Variants in ITGAV observed in about 807,000 individuals in gnomAD.
The protein encoded by ITGAV is integrin subunit alpha V.
In ITGAV, 76 loss-of-function variants were observed where a neutral mutation model predicts 143.8. That is an observed-to-expected ratio of 0.53 (90% CI 0.44 to 0.64). The LOEUF is 0.64. Ranked by LOEUF, ITGAV falls within the 30% of genes least tolerant of loss-of-function variation. The probability of loss-of-function intolerance (pLI) is 0.00; values close to 1 mark genes in which losing one functional copy is unlikely to be tolerated. For missense variants in ITGAV, 1,193 were observed against 1,274.7 expected (o/e 0.94, Z 0.98); for synonymous variants, 453 against 446.7 (o/e 1.01, Z -0.18).
At chr2:186,628,243 C>T (rs1432518902) in intron 4 of ITGAV, among the ~76,000 whole-genome samples, 1 of 152,152 alleles carries the variant, frequency 6.6e-6, no homozygotes, top group Non-Finnish European at 1.5e-5. Context: ...TGTAAGACTA[C>T]ACTGCTAACT....
At chr2:186,633,102 C>T (rs989008458) in intron 5 of ITGAV, among the ~76,000 whole-genome samples, 4 of 150,310 alleles carry the variant, frequency 2.7e-5, no homozygotes, top group Non-Finnish European at 5.9e-5. Context: ...AGGAGTTTGA[C>T]CAGCTTACCA....
chr2:186,664,188 G>T (rs1361482158), intron 19 of ITGAV, among the ~76,000 whole-genome samples: 3 of 152,212 alleles, frequency 2.0e-5, no homozygotes, highest in East Asian at 3.9e-4. Context: ...ATTATGACAC[G>T]TGATTAATTT....
chr2:186,605,261 C>T (rs934080649), intron 2 of ITGAV, among the ~76,000 whole-genome samples: 3 of 152,186 alleles, frequency 2.0e-5, no homozygotes, highest in African/African-American at 7.2e-5. Flanking sequence ...GCTCACTCTG[C>T]TTCCTCCCTT....
rs150780090 is a variant in ITGAV, at chr2:186,677,739, T to C, written c.*447T>C. 3.0e-3 allele frequency: 464 copies of C among 156,860 alleles called. 4 individuals carry two copies. Among genetic ancestry groups the C allele is most frequent in the African/African-American group, 0.01 (431 of 41,584 alleles). The allele number at this position is 156,860 out of a possible 1,614,324, so 9.7% of individuals were successfully genotyped here. A position where few individuals can be genotyped will look rare whatever the true frequency, so the allele number is the denominator to read the frequency against. On this transcript the variant is annotated 3_prime_UTR_variant, in exon 30 of 30. Transcript: ENST00000261023. ...TATAGGTACTTAATGTTAATACATA[T>C]TACACTACAGTTTACTTTTCAGAAT...
rs2105757426 is a variant in ITGAV at position 186,677,365 on chromosome 2, C to A, written c.*73C>A. On this transcript the variant is annotated 3_prime_UTR_variant, in exon 30 of 30. Transcript: ENST00000261023. ...CTTTATTATAGATTTAAACTTTCTTCATGAGGAGTAAAAATCCAAGGCTTT... is the reference window on the plus strand; with the variant it reads ...CTTTATTATAGATTTAAACTTTCTTAATGAGGAGTAAAAATCCAAGGCTTT... 1 of 1,147,954 alleles carries A rather than the reference C, an allele frequency of 8.7e-7. No homozygotes were observed. Among genetic ancestry groups the A allele is most frequent in the Non-Finnish European group, 1.3e-6 (1 of 783,718 alleles). 71.1% of individuals were successfully genotyped at this position (1,147,954 alleles called of 1,614,324 possible).
intron 10 of ITGAV, among the ~76,000 whole-genome samples, chr2:186,638,996 T>C (rs568297616): frequency 2.0e-5 from 3 of 151,970 alleles, no homozygotes; most frequent in Admixed American, 1.3e-4. Flanking sequence ...AAGAATTCTT[T>C]AAATTCTTTT....
intron 6 of ITGAV, among the ~76,000 whole-genome samples, chr2:186,634,347 T>G (rs978879064): frequency 2.6e-5 from 4 of 152,220 alleles, no homozygotes; most frequent in Non-Finnish European, 5.9e-5. Context: ...CATTCTGATA[T>G]TCAAGCATTG....
Position 186,619,407 on chromosome 2 carries a change from G to C in ITGAV, c.317-2932G>C, listed in dbSNP as rs573060403. ...GATACTAGAGGCTGGGAAAGGTAGG[G>C]AGAATGGGAAAATAGAGATTTGTTT... On this transcript the variant is annotated intron_variant, in intron 2 of 29. Transcript: ENST00000261023. Among the ~76,000 whole-genome samples, 17 of 152,230 alleles carry C rather than the reference G, an allele frequency of 1.1e-4. 1 individual carries two copies. The South Asian group carries it at 2.7e-3, about 24-fold the overall frequency.
intron 11 of ITGAV, 82 bp from the exon 12 acceptor site, chr2:186,641,304 A>G: frequency 9.4e-7 from 1 of 1,060,144 alleles, no homozygotes; most frequent in African/African-American, 1.6e-5. Context: ...GAAAGAGGAA[A>G]AGTGAGTTGT....
intron 3 of ITGAV, 121 bp from the exon 4 acceptor site, chr2:186,625,352 A>G (rs1687643080): frequency 9.3e-6 from 6 of 643,984 alleles, no homozygotes; most frequent in Non-Finnish European, 1.7e-5. Context: ...AGCCTGGGCA[A>G]CAGACTGAGA....
intron 26 of ITGAV, among the ~76,000 whole-genome samples, chr2:186,674,648 A>G (rs550921406): frequency 6.6e-6 from 1 of 152,168 alleles, no homozygotes. Context: ...AGTAGCTGGG[A>G]TTACAGGTGC....
Position 186,636,139 on chromosome 2 carries a change from A to G in ITGAV, c.689A>G (p.Tyr230Cys). ...GTATCTAAATACGACCCCAATGTTT[A>G]CAGCATCAAGTATAATAACCAATTA... is the stretch of plus-strand genomic sequence containing the variant. ...EIVSKYDPNV[Y>C]SIKYNNQLAT... Residue 230 changes from tyrosine (Y) to cysteine (C), a missense_variant, in exon 7 of 30, where the codon TAC becomes TGC. Transcript: ENST00000261023. 6.2e-7 allele frequency: 1 copy of G among 1,613,406 alleles called. No homozygotes were observed.
chr2:186,676,149 G>T, intron 28 of ITGAV: 1 of 426,698 alleles, frequency 2.3e-6, no homozygotes, highest in Non-Finnish European at 4.2e-6. Flanking sequence ...CAGTGTAAGA[G>T]ATTTCTTAGT....
intron 19 of ITGAV, 84 bp from the exon 20 acceptor site, chr2:186,664,410 A>G: frequency 7.6e-7 from 1 of 1,319,696 alleles, no homozygotes; most frequent in Non-Finnish European, 1.1e-6. Flanking sequence ...AGTGCTGTGT[A>G]TTTATCTCTT....
rs200647242 is a variant in ITGAV, at chr2:186,636,114, G to A, written c.664G>A (p.Val222Ile). The A allele has an allele frequency of 3.7e-5, 59 of 1,612,796 alleles. No individual in the cohort carries two copies. The highest frequency in any genetic ancestry group is 3.6e-4 in the East Asian group (16 of 44,748). The change falls in exon 7 of 30, where the codon GTA (valine) becomes ATA (isoleucine). Residue 222 changes from valine (V) to isoleucine (I), a missense_variant. Coordinates refer to ENST00000261023, the MANE Select transcript of ITGAV (RefSeq NM_002210.5). ...TATTTCGGATCAAGTGGCAGAAATC[G>A]TATCTAAATACGACCCCAATGTTTA... ...QLISDQVAEIVSKYDPNVYSI... is the reference protein window; with the variant it reads ...QLISDQVAEIISKYDPNVYSI...
At chr2:186,621,350 CT>C (rs1687514896) in intron 2 of ITGAV, among the ~76,000 whole-genome samples, 1 of 152,132 alleles carries the variant, frequency 6.6e-6, no homozygotes, top group African/African-American at 2.4e-5. Flanking sequence ...CTCCTAAAAA[CT>C]AGGACATTTT....
At chr2:186,617,001 G>A (rs371842124) in intron 2 of ITGAV, among the ~76,000 whole-genome samples, 1 of 148,734 alleles carries the variant, frequency 6.7e-6, no homozygotes, top group African/African-American at 2.5e-5. Flanking sequence ...ATGCAGGGTG[G>A]TATTGTTTTG....
chr2:186,637,909 C>G (rs1687991525), intron 8 of ITGAV, among the ~76,000 whole-genome samples: 1 of 152,114 alleles, frequency 6.6e-6, no homozygotes, highest in African/African-American at 2.4e-5. Flanking sequence ...ATTTTTGTGC[C>G]ACAGCCACTT....
intron 12 of ITGAV, among the ~76,000 whole-genome samples, chr2:186,643,822 G>T (rs1688175116): frequency 6.6e-6 from 1 of 152,198 alleles, no homozygotes; most frequent in African/African-American, 2.4e-5. Context: ...TGATAGCGAA[G>T]AGAGAAGATG....
Sources: gnomAD v4.1 joint callset for allele counts (sites outside exome capture counted in the v4.1 genomes callset) on GRCh38, gnomAD v4.1.1 for gene constraint, MANE v1.5 for transcripts, NCBI Gene and HGNC (gene_info 2026-07-23, HGNC 2026-07-21) for gene names.